The following GBX2 variants were observed in gnomAD, a reference collection of about 807,000 sequenced individuals.
GBX2 encodes gastrulation brain homeobox 2.
GBX2 carries 5 observed loss-of-function variants against 22.4 expected under a neutral mutation model. The ratio of observed to expected loss-of-function variants is 0.22; its 90% confidence interval spans 0.12 to 0.47. GBX2 has a LOEUF of 0.47. Among genes scored for constraint, GBX2 ranks in the 20% least tolerant of loss-of-function variants. The probability of loss-of-function intolerance (pLI) is 0.99; values close to 1 mark genes in which losing one functional copy is unlikely to be tolerated. For missense variants in GBX2, 470 were observed against 495.4 expected (o/e 0.95, Z 0.49); for synonymous variants, 220 against 230.5 (o/e 0.95, Z 0.41).
chr2:236,167,096 G>T (rs1210435903), intron 1 of GBX2: 9 of 1,526,230 alleles, frequency 5.9e-6, no homozygotes, highest in Non-Finnish European at 7.9e-6. Context: ...GCACGGCTGA[G>T]ACGCGCAGCC....
rs2060242747 is a variant in GBX2 at position 236,166,983 on chromosome 2, C to G, written c.523+466G>C. On this transcript the variant is annotated intron_variant, in intron 1 of 1. Transcript: ENST00000306318. The surrounding 1 kb of genome is among the most constrained non-coding windows in gnomAD (Gnocchi z 6.6). ...CCTTATAAGTTCCCACCAGACACCCCCAACACAAACACACAGGCACAGCCT... is the reference window on the plus strand; with the variant it reads ...CCTTATAAGTTCCCACCAGACACCCGCAACACAAACACACAGGCACAGCCT... Among the ~76,000 whole-genome samples, 1 of 152,190 alleles carries G rather than the reference C, an allele frequency of 6.6e-6. No individual in the cohort carries two copies. The highest frequency in any genetic ancestry group is 2.4e-5 in the African/African-American group (1 of 41,438).
chr2:236,166,517 TCCGCGCC>T lies in GBX2; in HGVS notation c.524-87_524-81del. On this transcript the variant is annotated intron_variant, in intron 1 of 1. Transcript: ENST00000306318. This position sits in a 1 kb window ranked among gnomAD's most constrained non-coding sequence, Gnocchi z 6.6. ...CTCCTTCCCACCGTCATTTGGACAT[TCCGCGCC>T]CCCCGCCCCCCACCCTTTAGCGGAT... 8.0e-7 allele frequency: 1 copy of T among 1,254,204 alleles called. No homozygotes were observed. The highest frequency in any genetic ancestry group is 1.3e-5 in the South Asian group (1 of 74,306). 77.7% of individuals were successfully genotyped at this position (1,254,204 alleles called of 1,614,324 possible).
downstream of GBX2, among the ~76,000 whole-genome samples, chr2:236,164,665 G>T (rs2060228172): frequency 6.6e-6 from 1 of 152,184 alleles, no homozygotes; most frequent in Non-Finnish European, 1.5e-5. Context: ...CGGAGGGGGA[G>T]GTGCCGGGGC....
downstream of GBX2, among the ~76,000 whole-genome samples, chr2:236,162,712 G>A (rs6750962): frequency 0.022 from 3,335 of 152,314 alleles, 117 homozygotes; most frequent in African/African-American, 0.077. Context: ...CGGCTGGGGG[G>A]CGCAGGTCCA....
chr2:236,167,341 C>T, intron 1 of GBX2, 108 bp downstream of exon 1: 2 of 1,376,166 alleles, frequency 1.5e-6, no homozygotes, highest in Non-Finnish European at 9.6e-7. Flanking sequence ...CCGCGGGGGT[C>T]GAGCGGGGGC....
chr2:236,166,402 T>C lies in GBX2; in HGVS notation c.559A>G (p.Lys187Glu). 6 of 1,613,456 alleles carry C rather than the reference T, an allele frequency of 3.7e-6. No individual in the cohort carries two copies. Among genetic ancestry groups the C allele is most frequent in the Non-Finnish European group, 5.1e-6 (6 of 1,179,624 alleles). Residue 187 changes from lysine (K) to glutamate (E), a missense_variant, in exon 2 of 2, where the codon AAG (lysine) becomes GAG (glutamate). Physicochemically the swap from Lys to Glu is moderately conservative, Grantham distance 56. Around this residue, in one of 4 missense-constraint regions of GBX2, gnomAD observed 377 missense variants for 358.6 expected, o/e 1.05. Transcript: ENST00000306318. The surrounding 1 kb of genome is among the most constrained non-coding windows in gnomAD (Gnocchi z 6.6). ...TTGCCCTTCGGGTCGTCTTCCACCT[T>C]TGACTCGTCTTTCCCTTGCCCTCGG... The part of the protein sequence containing the change: ...AVRGQGKDES[K>E]VEDDPKGKEE...
rs1443756952 is a variant in GBX2 at position 236,167,984 on chromosome 2, T to G, written c.-13A>C. 1 of 1,540,258 alleles carries G rather than the reference T, an allele frequency of 6.5e-7. No individual in the cohort carries two copies. The highest frequency in any genetic ancestry group is 8.7e-7 in the Non-Finnish European group (1 of 1,146,572). ...ACGCTGCGCTCATAGACGCGCTCGG[T>G]AGAGGCCAGCGAGAGGCGAAAAGTC... On this transcript the variant is annotated 5_prime_UTR_variant, in exon 1 of 2. Transcript: ENST00000306318.
Position 236,165,718 on chromosome 2 carries a change from G to T in GBX2, c.*196C>A. On this transcript the variant is annotated 3_prime_UTR_variant, in exon 2 of 2. Transcript: ENST00000306318. The stretch of plus-strand genomic sequence containing the variant: ...TAGGATAGTATAATAAATATTTAGC[G>T]TGTCTTCTGGTGTGGCTGTAAGCCC... The T allele has an allele frequency of 1.7e-6, 1 of 581,110 alleles. No homozygotes were observed. The highest frequency in any genetic ancestry group is 2.3e-5 in the South Asian group (1 of 44,004). The allele number at this position is 581,110 out of a possible 1,614,324, so 36.0% of individuals were successfully genotyped here.
Position 236,165,868 on chromosome 2 carries a change from CG to C in GBX2, c.*45del. Reference sequence around the variant, plus strand: ...AGTCCACCATGGGTTCCCTCGGGTGCGGGGGCTTCTCCAGGTGGGTGCCAGG... The same window carrying C: ...AGTCCACCATGGGTTCCCTCGGGTGCGGGGCTTCTCCAGGTGGGTGCCAGG... On this transcript the variant is annotated 3_prime_UTR_variant, in exon 2 of 2. Transcript: ENST00000306318. 3.4e-6 allele frequency: 5 copies of C among 1,489,790 alleles called. No homozygotes were observed. The highest frequency in any genetic ancestry group is 2.5e-5 in the South Asian group (2 of 79,384). The allele number at this position is 1,489,790 out of a possible 1,614,324, so 92.3% of individuals were successfully genotyped here.
chr2:236,165,748 A>G lies in GBX2; in HGVS notation c.*166T>C, dbSNP rs2060234856. The stretch of plus-strand genomic sequence containing the variant: ...TTCTGGTGTGGCTGTAAGCCCCTTC[A>G]AAAGCAGTCTTTTAAGCCCATTTAG... On this transcript the variant is annotated 3_prime_UTR_variant, in exon 2 of 2. Coordinates refer to ENST00000306318, the MANE Select transcript of GBX2 (RefSeq NM_001485.4). The G allele has an allele frequency of 3.3e-6, 2 of 611,434 alleles. No individual in the cohort carries two copies. Among genetic ancestry groups the G allele is most frequent in the Non-Finnish European group, 5.8e-6 (2 of 346,662 alleles). The allele number at this position is 611,434 out of a possible 1,614,324, so 37.9% of individuals were successfully genotyped here.
At chr2:236,165,096 G>A (rs1186469599), downstream of GBX2, 1 of 152,166 alleles carries the variant, frequency 6.6e-6, no homozygotes, top group Admixed American at 6.5e-5. Context: ...GCAAAGTGCT[G>A]GGTGGCTCAA....
chr2:236,167,036 TAGCAAGA>T, intron 1 of GBX2: 2 of 1,031,038 alleles, frequency 1.9e-6, no homozygotes, highest in South Asian at 2.7e-5. Flanking sequence ...CCCAGACAAG[TAGCAAGA>T]CCAGCGAAGG....
At chr2:236,162,776 A>C (rs1459386620), downstream of GBX2, among the ~76,000 whole-genome samples, 1 of 152,218 alleles carries the variant, frequency 6.6e-6, no homozygotes, top group Non-Finnish European at 1.5e-5. Flanking sequence ...AATTTATTGT[A>C]ACAACAAATA....
chr2:236,167,464 C>A lies in GBX2; in HGVS notation c.508G>T (p.Val170Leu). 1 of 1,576,972 alleles carries A rather than the reference C, an allele frequency of 6.3e-7. No homozygotes were observed. The highest frequency in any genetic ancestry group is 8.5e-7 in the Non-Finnish European group (1 of 1,169,908). Residue 170 changes from valine to leucine, a missense_variant, in exon 1 of 2, where the codon GTG becomes TTG. Coordinates refer to ENST00000306318, the MANE Select transcript of GBX2 (RefSeq NM_001485.4). Reference protein sequence around the residue: ...SLLAFSAAETVQASLVGAVRG... With the variant: ...SLLAFSAAETLQASLVGAVRG... ...GCCGACTCACCGAGCGAAGCCTGCA[C>A]CGTCTCGGCCGCGGAGAAGGCGAGC... is the stretch of plus-strand genomic sequence containing the variant.
rs2060254485 is a variant in GBX2, at chr2:236,168,197, GGCCCCGAGGGCTCGCCGGA to G, written c.-245_-227del. 1 of 307,636 alleles carries G rather than the reference GGCCCCGAGGGCTCGCCGGA, an allele frequency of 3.3e-6. No individual in the cohort carries two copies. 19.1% of individuals were successfully genotyped at this position (307,636 alleles called of 1,614,324 possible). On this transcript the variant is annotated 5_prime_UTR_variant, in exon 1 of 2. Transcript: ENST00000306318. ...CGCCCCGGAGTGGAGAGGGCGCCCGGGCCCCGAGGGCTCGCCGGAGCCCCCGTCCGCCGCTTGCCCGTCG... is the reference window on the plus strand; with the variant it reads ...CGCCCCGGAGTGGAGAGGGCGCCCGGGCCCCCGTCCGCCGCTTGCCCGTCG...
rs2060240699 is a variant in GBX2 at position 236,166,609 on chromosome 2, T to TG, written c.524-173dup. On this transcript the variant is annotated intron_variant, in intron 1 of 1. Transcript: ENST00000306318. This position sits in a 1 kb window ranked among gnomAD's most constrained non-coding sequence, Gnocchi z 6.6. ...TGGCCTTTGAGGGGTAGAGGAGGGG[T>TG]GGGGGGAGCGTGAGAAAGCTCAAAG... Among the ~76,000 whole-genome samples the TG allele has an allele frequency of 6.8e-6, 1 of 146,836 alleles. No homozygotes were observed. Among genetic ancestry groups the TG allele is most frequent in the African/African-American group, 2.5e-5 (1 of 39,640 alleles).
At position 236,167,933 on chromosome 2, in the gene GBX2, C is replaced by T. The variant is rs774729235; in HGVS notation, c.39G>A (p.Gln13=). The change falls in exon 1 of 2, where the codon CAG becomes CAA. Residue 13 remains glutamine (Q), a synonymous_variant. Coordinates refer to ENST00000306318, the MANE Select transcript of GBX2 (RefSeq NM_001485.4). The part of the protein sequence containing the change: ...AAFPPSLMMM[Q]RPLGSSTAFS... The stretch of plus-strand genomic sequence containing the variant: ...AGGCGGTGCTACTCCCCAGCGGGCG[C>T]TGCATCATCATCAGCGACGGCGGGA... 6.4e-7 allele frequency: 1 copy of T among 1,562,952 alleles called. No homozygotes were observed. Among genetic ancestry groups the T allele is most frequent in the South Asian group, 1.2e-5 (1 of 86,554 alleles).
At chr2:236,164,589 T>G (rs553465021), downstream of GBX2, among the ~76,000 whole-genome samples, 184 of 151,810 alleles carry the variant, frequency 1.2e-3, no homozygotes, top group African/African-American at 4.2e-3. Flanking sequence ...TCCCCCTTTG[T>G]GGTGCGGACT....
chr2:236,167,144 C>G, intron 1 of GBX2: 1 of 1,535,570 alleles, frequency 6.5e-7, no homozygotes, highest in Non-Finnish European at 8.7e-7. Context: ...CTACCCGGAA[C>G]CCCAGGTCAC....
Sources: gnomAD v4.1 joint callset for allele counts (sites outside exome capture counted in the v4.1 genomes callset) on GRCh38, gnomAD v4.1.1 for gene constraint, gnomAD v4.1.1 regional missense constraint, Gnocchi (gnomAD v3.1) non-coding constraint, MANE v1.5 for transcripts, NCBI Gene and HGNC (gene_info 2026-07-23, HGNC 2026-07-21) for gene names.